MKLN1: variants seen among roughly 807,000 people sequenced by gnomAD.
The protein encoded by MKLN1 is muskelin 1.
A neutral mutation model predicts 99.0 loss-of-function variants in MKLN1; 18 were observed. The observed-to-expected ratio is 0.18, with a 90% CI of 0.13 to 0.27. MKLN1 has a LOEUF of 0.27. MKLN1 is among the 10% of genes least tolerant of loss of function. The probability of loss-of-function intolerance (pLI) is 1.00; values close to 1 mark genes in which losing one functional copy is unlikely to be tolerated. For missense variants in MKLN1, 621 were observed against 875.9 expected, an observed-to-expected ratio of 0.71 and a Z score of 3.67; for synonymous variants, 288 against 293.2, an observed-to-expected ratio of 0.98 and a Z score of 0.18.
At chr7:131,183,241 A>G (rs1404379325) in intron 2 of MKLN1, among the ~76,000 whole-genome samples, 1 of 152,208 alleles carries the variant, frequency 6.6e-6, no homozygotes, top group Non-Finnish European at 1.5e-5. Context: ...TTTCACAGAC[A>G]TTATCTTATT....
At chr7:131,458,927 A>G (rs936351066) in intron 12 of MKLN1, among the ~76,000 whole-genome samples, 22 of 152,194 alleles carry the variant, frequency 1.4e-4, no homozygotes, top group African/African-American at 5.3e-4. Context: ...CAACCCTTTT[A>G]AGAGTCATGG....
At chr7:131,361,845 T>G (rs1328210397) in intron 1 of MKLN1, among the ~76,000 whole-genome samples, 1 of 150,120 alleles carries the variant, frequency 6.7e-6, no homozygotes, top group Non-Finnish European at 1.5e-5. Flanking sequence ...CACCACACAT[T>G]TATATTCTGT....
chr7:131,465,376 T>C (rs911170458), intron 14 of MKLN1, among the ~76,000 whole-genome samples: 1 of 152,202 alleles, frequency 6.6e-6, no homozygotes, highest in African/African-American at 2.4e-5. Flanking sequence ...TCCAAAGTTA[T>C]CTGAGGAACA....
intron 11 of MKLN1, 123 bp downstream of exon 11, chr7:131,443,825 C>T: frequency 2.7e-6 from 2 of 746,882 alleles, no homozygotes; most frequent in Non-Finnish European, 4.5e-6. Context: ...AAAGACAAAA[C>T]TTCTTTAACA....
intron 3 of MKLN1, among the ~76,000 whole-genome samples, chr7:131,217,938 G>C (rs1468991241): frequency 6.6e-6 from 1 of 152,176 alleles, no homozygotes; most frequent in African/African-American, 2.4e-5. Flanking sequence ...TTTAATAAAT[G>C]TGGGGCCAGC....
chr7:131,347,337 A>AG (rs1421860782), intron 1 of MKLN1, among the ~76,000 whole-genome samples: 1 of 152,332 alleles, frequency 6.6e-6, no homozygotes, highest in African/African-American at 2.4e-5. Context: ...GTGCTAGAGA[A>AG]GCTGCTCAGG....
chr7:131,450,732 T>G (rs1796154408), intron 12 of MKLN1, among the ~76,000 whole-genome samples: 1 of 152,244 alleles, frequency 6.6e-6, no homozygotes, highest in African/African-American at 2.4e-5. Context: ...CTTGTACTGC[T>G]TACCTCTCAG....
chr7:131,376,717 A>G (rs1016226624), intron 2 of MKLN1, among the ~76,000 whole-genome samples: 6 of 151,398 alleles, frequency 4.0e-5, no homozygotes, highest in East Asian at 1.9e-4. Context: ...CTGTTTATTC[A>G]TCAGCCATGT....
At chr7:131,437,580 C>G (rs460092) in intron 9 of MKLN1, among the ~76,000 whole-genome samples, 1 of 152,282 alleles carries the variant, frequency 6.6e-6, no homozygotes, top group South Asian at 2.1e-4. Flanking sequence ...GGTAAGATTT[C>G]TGTCTCCTAC....
chr7:131,169,023 ACGCCTGG>A (rs1796177581), intron 2 of MKLN1, among the ~76,000 whole-genome samples: 1 of 151,898 alleles, frequency 6.6e-6, no homozygotes. Flanking sequence ...ACCCACCACC[ACGCCTGG>A]CTAATATTTG....
chr7:131,408,497 G>A (rs1794775618), intron 6 of MKLN1, among the ~76,000 whole-genome samples: 1 of 152,070 alleles, frequency 6.6e-6, no homozygotes, highest in African/African-American at 2.4e-5. Context: ...CATACAACTA[G>A]GCAGCAGTAC....
chr7:131,114,608 G>A (rs751437137), intron 1 of MKLN1, among the ~76,000 whole-genome samples: 3 of 152,156 alleles, frequency 2.0e-5, no homozygotes, highest in Non-Finnish European at 4.4e-5. Flanking sequence ...AGGAGCCAGG[G>A]GAGGAAACAT....
chr7:131,466,469 C>G (rs1350935060), intron 15 of MKLN1, 54 bp downstream of exon 15: 3 of 1,336,372 alleles, frequency 2.2e-6, no homozygotes, highest in Non-Finnish European at 3.0e-6. Context: ...CTATATTTCT[C>G]TTGGCAAATT....
chr7:131,212,923 C>CA lies in MKLN1; in HGVS notation c.-179+9961dup, dbSNP rs36105040. Among the ~76,000 whole-genome samples, 1,167 of 128,716 alleles carry CA rather than the reference C, an allele frequency of 9.1e-3. 8 individuals carry two copies. The highest frequency in any genetic ancestry group is 0.016 in the Middle Eastern group (4 of 248). The allele number at this position is 128,716 out of a possible 152,430, so 84.4% of individuals were successfully genotyped here. ...GGGCAACAAGAGCAAAACTCCGTCTCAAAAAAAAAAAACAAAAAACACCTA... is the reference window on the plus strand; with the variant it reads ...GGGCAACAAGAGCAAAACTCCGTCTCAAAAAAAAAAAAACAAAAAACACCTA... On this transcript the variant is annotated intron_variant, in intron 3 of 7. Transcript: ENST00000416992.
Position 131,180,178 on chromosome 7 carries a change from TTTCTGATACTC to T in MKLN1, c.-296-22676_-296-22666del, listed in dbSNP as rs1796358672. On this transcript the variant is annotated intron_variant, in intron 2 of 7. Transcript: ENST00000416992. ...ATTACTTGGTGAAATTATTAATCCT[TTTCTGATACTC>T]TTACATGTACATAAATATATTGCTT... 1.3e-5 allele frequency among the ~76,000 whole-genome samples: 2 copies of T among 152,270 alleles called. 1 individual carries two copies. Among genetic ancestry groups the T allele is most frequent in the South Asian group, 4.1e-4 (2 of 4,838 alleles).
At chr7:131,309,807 GC>G (rs1798531549) in intron 3 of MKLN1, 1 of 141,758 alleles carries the variant, frequency 7.1e-6, no homozygotes, top group Admixed American at 8.0e-5. Flanking sequence ...CTCACTGCAA[GC>G]TCTGCTTCCT....
chr7:131,373,585 T>C (rs1793536307), intron 1 of MKLN1, among the ~76,000 whole-genome samples: 1 of 152,190 alleles, frequency 6.6e-6, no homozygotes, highest in Admixed American at 6.5e-5. Context: ...TCTATAATTA[T>C]TAAGTACCTT....
At chr7:131,227,945 G>A (rs1053802275) in intron 3 of MKLN1, among the ~76,000 whole-genome samples, 30 of 152,266 alleles carry the variant, frequency 2.0e-4, no homozygotes, top group South Asian at 8.3e-4. Flanking sequence ...CCCTTCCAGC[G>A]CGGGATGATT....
chr7:131,262,415 C>T (rs1192874084), intron 3 of MKLN1, among the ~76,000 whole-genome samples: 6 of 151,886 alleles, frequency 4.0e-5, no homozygotes, highest in Non-Finnish European at 5.9e-5. Context: ...CCAGCCTGGG[C>T]GACAGAGCGA....
Sources: allele counts gnomAD v4.1 joint callset (sites outside exome capture counted in the v4.1 genomes callset), GRCh38; gene constraint gnomAD v4.1.1; transcripts MANE v1.5; gene names NCBI Gene and HGNC (gene_info 2026-07-23, HGNC 2026-07-21).